NALF1: variants seen among roughly 807,000 people sequenced by gnomAD.
The protein encoded by NALF1 is NALCN channel auxiliary factor 1, also known as family with sequence similarity 155 member A.
Under a neutral mutation model 48.4 loss-of-function variants are expected in NALF1, and 3 were observed. That is an observed-to-expected ratio of 0.06 (90% CI 0.03 to 0.16). The LOEUF is 0.16. NALF1 is among the 10% of genes least tolerant of loss of function. NALF1 has a pLI of 1.00. For synonymous variants in NALF1, 262 were observed against 245.7 expected, an observed-to-expected ratio of 1.07 and a Z score of -0.62; for missense variants, 526 against 571.5, an observed-to-expected ratio of 0.92 and a Z score of 0.81.
intron 1 of NALF1, among the ~76,000 whole-genome samples, chr13:107,596,641 G>A (rs1031967654): frequency 1.3e-5 from 2 of 152,038 alleles, no homozygotes; most frequent in African/African-American, 4.8e-5. Context: ...TGGATACAGG[G>A]AGAGGAACAT....
chr13:107,573,752 G>C (rs974112507), intron 1 of NALF1, among the ~76,000 whole-genome samples: 2 of 152,146 alleles, frequency 1.3e-5, no homozygotes, highest in African/African-American at 4.8e-5. Context: ...TCATGATAGT[G>C]AGTCTGTCTC....
chr13:107,792,850 C>T (rs1253861829), intron 1 of NALF1, among the ~76,000 whole-genome samples: 2 of 152,100 alleles, frequency 1.3e-5, no homozygotes, highest in Admixed American at 6.6e-5. Context: ...CACTCTGTCA[C>T]CCAGGCAGGA....
chr13:107,412,253 G>A (rs1231528479), intron 1 of NALF1, among the ~76,000 whole-genome samples: 1 of 152,132 alleles, frequency 6.6e-6, no homozygotes, highest in Non-Finnish European at 1.5e-5. Context: ...CCAAGCACCA[G>A]TCTAAGCATG....
intron 1 of NALF1, among the ~76,000 whole-genome samples, chr13:107,565,337 A>T (rs1196530509): frequency 6.7e-6 from 1 of 148,652 alleles, no homozygotes; most frequent in Non-Finnish European, 1.5e-5. Flanking sequence ...GTGAGCTGCC[A>T]TCGTGCCACT....
intron 1 of NALF1, among the ~76,000 whole-genome samples, chr13:107,370,050 C>T (rs546217767): frequency 2.6e-5 from 4 of 152,248 alleles, no homozygotes; most frequent in South Asian, 4.2e-4. Flanking sequence ...GCCATTCTTC[C>T]GAATCATGCA....
chr13:107,374,636 C>CT (rs1329299364), intron 1 of NALF1, among the ~76,000 whole-genome samples: 4 of 152,114 alleles, frequency 2.6e-5, no homozygotes, highest in Admixed American at 6.6e-5. Flanking sequence ...CGTAGTTTCA[C>CT]TAGCAATACC....
chr13:107,216,082 T>G (rs1046350343), intron 1 of NALF1, among the ~76,000 whole-genome samples: 1 of 152,210 alleles, frequency 6.6e-6, no homozygotes, highest in Non-Finnish European at 1.5e-5. Context: ...CCCCACTTAT[T>G]AGTAAGGACT....
Position 107,542,873 on chromosome 13 carries a change from C to T in NALF1, c.915+322809G>A, listed in dbSNP as rs183265261. ...TCATTTATCATTTTAAGTCATGTTT[C>T]CAAAACATTAGAAACCATGGCATCA... On this transcript the variant is annotated intron_variant, in intron 1 of 2. Transcript: ENST00000375915. 1.5e-3 allele frequency among the ~76,000 whole-genome samples: 224 copies of T among 152,074 alleles called. 3 individuals carry two copies. Among genetic ancestry groups the T allele is most frequent in the African/African-American group, 4.7e-3 (195 of 41,528 alleles).
chr13:107,534,121 T>C (rs1264157972), intron 1 of NALF1, among the ~76,000 whole-genome samples: 2 of 151,930 alleles, frequency 1.3e-5, no homozygotes, highest in Admixed American at 1.3e-4. Context: ...CACTTGGAAA[T>C]GTGTGTGAGA....
rs66692507 is a variant in NALF1, at chr13:107,783,873, TAA to T, written c.915+81807_915+81808del. Among the ~76,000 whole-genome samples the T allele has an allele frequency of 4.1e-3, 549 of 133,062 alleles. 6 individuals carry two copies. The highest frequency in any genetic ancestry group is 0.015 in the South Asian group (65 of 4,242). The allele number at this position is 133,062 out of a possible 152,430, so 87.3% of individuals were successfully genotyped here. On this transcript the variant is annotated intron_variant, in intron 1 of 2. Coordinates refer to ENST00000375915, the MANE Select transcript of NALF1 (RefSeq NM_001080396.3). ...AAGAATGATCAATAAAAATAAAAAT[TAA>T]AAAAAAAAAAAAAAAGAAAATCTTA...
At chr13:107,799,078 T>C (rs930306265) in intron 1 of NALF1, among the ~76,000 whole-genome samples, 4 of 152,188 alleles carry the variant, frequency 2.6e-5, no homozygotes, top group Non-Finnish European at 4.4e-5. Flanking sequence ...GGCTTGCTCA[T>C]TCCCCAAAGC....
chr13:107,633,241 A>G (rs554064373), intron 1 of NALF1, among the ~76,000 whole-genome samples: 1 of 152,246 alleles, frequency 6.6e-6, no homozygotes, highest in African/African-American at 2.4e-5. Flanking sequence ...TATATGAAAT[A>G]CATATATAAA....
chr13:107,254,062 A>AAAAAAAAATATATATATATATATATATAT lies in NALF1; in HGVS notation c.916-43308_916-43307insATATATATATATATATATATATTTTTTTT. ...AGATGTTTAAGGGAGCAAGTACTAA[A>AAAAAAAAATATATATATATATATATATAT]ATATATATATATATATTAAGCACAC... is the stretch of plus-strand genomic sequence containing the variant. On this transcript the variant is annotated intron_variant, in intron 1 of 2. Transcript: ENST00000375915. Among the ~76,000 whole-genome samples the AAAAAAAAATATATATATATATATATATAT allele has an allele frequency of 1.9e-3, 257 of 138,620 alleles. 2 individuals are homozygous for AAAAAAAAATATATATATATATATATATAT. The highest frequency in any genetic ancestry group is 2.6e-3 in the Admixed American group (34 of 13,146). The allele number at this position is 138,620 out of a possible 152,430, so 90.9% of individuals were successfully genotyped here.
chr13:107,486,149 G>A (rs531821966), intron 1 of NALF1, among the ~76,000 whole-genome samples: 2 of 152,244 alleles, frequency 1.3e-5, no homozygotes, highest in South Asian at 4.1e-4. Flanking sequence ...ATAAAGTTGA[G>A]TGCTCGAAAT....
intron 1 of NALF1, among the ~76,000 whole-genome samples, chr13:107,724,946 G>A (rs771994712): frequency 5.9e-5 from 9 of 152,184 alleles, no homozygotes; most frequent in Non-Finnish European, 7.4e-5. Flanking sequence ...TCAGAGGTTC[G>A]TTTCACTGAT....
At chr13:107,340,384 G>A (rs776746358) in intron 1 of NALF1, among the ~76,000 whole-genome samples, 1 of 151,534 alleles carries the variant, frequency 6.6e-6, no homozygotes, top group Non-Finnish European at 1.5e-5. Flanking sequence ...GAAGTGATCC[G>A]TTCGCTTCAG....
intron 1 of NALF1, among the ~76,000 whole-genome samples, chr13:107,424,673 G>C (rs1414821391): frequency 6.6e-6 from 1 of 152,150 alleles, no homozygotes; most frequent in African/African-American, 2.4e-5. Context: ...AACACATTCT[G>C]ATTTACTGGT....
chr13:107,741,321 T>C (rs1876626845), intron 1 of NALF1, among the ~76,000 whole-genome samples: 1 of 152,188 alleles, frequency 6.6e-6, no homozygotes, highest in Admixed American at 6.5e-5. Context: ...TCCCCTAGGA[T>C]AAATGTTTGC....
rs561937215 is a variant in NALF1, at chr13:107,795,363, G to A, written c.915+70319C>T. Among the ~76,000 whole-genome samples the A allele has an allele frequency of 3.9e-5, 6 of 152,228 alleles. No individual in the cohort carries two copies. In the East Asian group the frequency reaches 9.6e-4, roughly 24 times the overall value. ...AATTTTACAAAGCCTCATCATTCAC[G>A]TGTAACTTACTGAGTTAGGTGCTAT... On this transcript the variant is annotated intron_variant, in intron 1 of 2. Transcript: ENST00000375915.
Sources: gnomAD v4.1 joint callset for allele counts (sites outside exome capture counted in the v4.1 genomes callset) on GRCh38, gnomAD v4.1.1 for gene constraint, MANE v1.5 for transcripts, NCBI Gene and HGNC (gene_info 2026-07-23, HGNC 2026-07-21) for gene names.